The following CSMD1 variants were observed in gnomAD, a reference collection of about 807,000 sequenced individuals.
CSMD1 encodes the protein CUB and Sushi multiple domains 1, also known as CUB and sushi domain-containing protein 1.
In CSMD1, 213 loss-of-function variants were observed where a neutral mutation model predicts 417.5. The ratio of observed to expected loss-of-function variants is 0.51; its 90% CI spans 0.46 to 0.57. The LOEUF is 0.57. Ranked by LOEUF, CSMD1 falls within the 20% of genes least tolerant of loss-of-function variation. The pLI is 0.00. For missense variants in CSMD1, 6,923 were observed against 4,529.7 expected (o/e 1.53, Z -15.17); for synonymous variants, 2,862 against 1,736.8 (o/e 1.65, Z -16.11).
At chr8:3,336,408 A>G (rs116455369) in intron 23 of CSMD1, among the ~76,000 whole-genome samples, 250 of 152,314 alleles carry the variant, frequency 1.6e-3, no homozygotes, top group African/African-American at 5.9e-3. Context: ...TCTGAAGAAA[A>G]ACATACTTAA....
chr8:3,500,321 C>G (rs1293597511), intron 10 of CSMD1, among the ~76,000 whole-genome samples: 1 of 151,336 alleles, frequency 6.6e-6, no homozygotes, highest in East Asian at 1.9e-4. Flanking sequence ...GTCTGCTAAG[C>G]TTTGCATGAC....
At chr8:4,977,745 AG>A (rs1422235883) in intron 1 of CSMD1, among the ~76,000 whole-genome samples, 1 of 152,226 alleles carries the variant, frequency 6.6e-6, no homozygotes, top group African/African-American at 2.4e-5. Context: ...ATTAGGTTGC[AG>A]GCAGGTTCAC....
intron 3 of CSMD1, among the ~76,000 whole-genome samples, chr8:4,112,931 C>G (rs1396099420): frequency 6.6e-6 from 1 of 152,162 alleles, no homozygotes; most frequent in East Asian, 1.9e-4. Flanking sequence ...AGTAAGTGCT[C>G]ACTTCATCCT....
chr8:3,276,910 C>G (rs968620747), intron 26 of CSMD1, among the ~76,000 whole-genome samples: 8 of 152,094 alleles, frequency 5.3e-5, no homozygotes, highest in Admixed American at 5.2e-4. Context: ...ACTTAATCCA[C>G]TGTATTAATA....
At chr8:3,687,203 C>G (rs180889844) in intron 7 of CSMD1, among the ~76,000 whole-genome samples, 2 of 152,232 alleles carry the variant, frequency 1.3e-5, no homozygotes, top group African/African-American at 2.4e-5. Context: ...AACCTTCCAT[C>G]TTGGTTTGCC....
At chr8:3,841,722 C>T (rs780673733) in intron 5 of CSMD1, among the ~76,000 whole-genome samples, 9 of 151,970 alleles carry the variant, frequency 5.9e-5, no homozygotes, top group Non-Finnish European at 1.2e-4. Context: ...ATCAAAACTA[C>T]AATAGTTCCC....
intron 1 of CSMD1, among the ~76,000 whole-genome samples, chr8:4,882,716 A>C (rs1399381065): frequency 2.6e-5 from 4 of 151,956 alleles, no homozygotes; most frequent in African/African-American, 9.7e-5. Flanking sequence ...AACCAGACTA[A>C]AACACCTTTA....
chr8:4,136,642 G>C (rs1215736798), intron 3 of CSMD1, among the ~76,000 whole-genome samples: 1 of 152,158 alleles, frequency 6.6e-6, no homozygotes, highest in Non-Finnish European at 1.5e-5. Context: ...TAGTGAGACA[G>C]CATTTTCCTT....
At chr8:3,892,557 A>G (rs1204375499) in intron 5 of CSMD1, among the ~76,000 whole-genome samples, 1 of 151,730 alleles carries the variant, frequency 6.6e-6, no homozygotes, top group Non-Finnish European at 1.5e-5. Context: ...AATAATAATA[A>G]TAAGATTACT....
intron 3 of CSMD1, among the ~76,000 whole-genome samples, chr8:4,299,733 C>A (rs1017725559): frequency 1.3e-5 from 2 of 152,072 alleles, no homozygotes; most frequent in Admixed American, 6.6e-5. Context: ...CCATTTCAAG[C>A]GATTGTCATG....
At chr8:4,874,454 T>C (rs963285248) in intron 1 of CSMD1, among the ~76,000 whole-genome samples, 1 of 147,038 alleles carries the variant, frequency 6.8e-6, no homozygotes, top group Admixed American at 7.0e-5. Context: ...CAGTGTTCCA[T>C]TCTCGACTCA....
chr8:3,860,027 T>C (rs1804587383), intron 5 of CSMD1, among the ~76,000 whole-genome samples: 1 of 152,204 alleles, frequency 6.6e-6, no homozygotes, highest in Non-Finnish European at 1.5e-5. Context: ...GAAGTAAGAA[T>C]GTGCTTGTGG....
intron 3 of CSMD1, among the ~76,000 whole-genome samples, chr8:4,413,044 T>C (rs56115172): frequency 0.15 from 23,260 of 152,200 alleles, 1,841 homozygotes; most frequent in East Asian, 0.26. Flanking sequence ...TCCAGAAAAA[T>C]AGACTTACAA....
chr8:4,593,923 G>A (rs543854230), intron 2 of CSMD1, among the ~76,000 whole-genome samples: 1 of 152,244 alleles, frequency 6.6e-6, no homozygotes, highest in South Asian at 2.1e-4. Context: ...AGGGCCAGGA[G>A]TCTGAAATCA....
intron 1 of CSMD1, among the ~76,000 whole-genome samples, chr8:4,803,149 A>G (rs1252085048): frequency 1.3e-5 from 2 of 152,200 alleles, no homozygotes; most frequent in East Asian, 3.8e-4. Flanking sequence ...AATGGACTAT[A>G]TATGAATATA....
intron 3 of CSMD1, among the ~76,000 whole-genome samples, chr8:4,280,712 G>A (rs907128455): frequency 3.3e-5 from 5 of 152,086 alleles, no homozygotes; most frequent in Admixed American, 6.5e-5. Flanking sequence ...TAGCAATACC[G>A]TGTAAGCCAT....
chr8:4,215,827 C>G (rs1027568097), intron 3 of CSMD1, among the ~76,000 whole-genome samples: 3 of 152,018 alleles, frequency 2.0e-5, no homozygotes, highest in Admixed American at 2.0e-4. Flanking sequence ...TCAAAGAACA[C>G]AGTGCATGGA....
chr8:3,279,109 G>A (rs1802533061), intron 26 of CSMD1: 1 of 152,206 alleles, frequency 6.6e-6, no homozygotes, highest in African/African-American at 2.4e-5. Flanking sequence ...GAGAGTAGCT[G>A]AATGACTGGC....
At chr8:3,121,028 AAAGGTGAATGTTT>A (rs1022185184) in intron 41 of CSMD1, among the ~76,000 whole-genome samples, 1 of 152,182 alleles carries the variant, frequency 6.6e-6, no homozygotes, top group Non-Finnish European at 1.5e-5. Context: ...CTAAGCAGAA[AAAGGTGAATGTTT>A]AAAGATGTTC....
Sources: allele counts gnomAD v4.1 joint callset (sites outside exome capture counted in the v4.1 genomes callset), GRCh38; gene constraint gnomAD v4.1.1; transcripts MANE v1.5; gene names NCBI Gene and HGNC (gene_info 2026-07-23, HGNC 2026-07-21).